KAT14: variants seen among roughly 807,000 people sequenced by gnomAD.
KAT14 encodes the protein cysteine-rich protein 2-binding protein.
A neutral mutation model predicts 78.4 loss-of-function variants in KAT14; 66 were observed. The observed-to-expected ratio is 0.84, with a 90% confidence interval of 0.69 to 1.03. The LOEUF is 1.03. KAT14 is among the 50% of genes least tolerant of loss of function. The pLI is 0.00. For synonymous variants in KAT14, 344 were observed against 359.4 expected (o/e 0.96, Z 0.48); for missense variants, 870 against 972.5 (o/e 0.89, Z 1.40).
At chr20:18,148,904 C>T (rs2037934174) in intron 3 of KAT14, among the ~76,000 whole-genome samples, 1 of 152,146 alleles carries the variant, frequency 6.6e-6, no homozygotes, top group South Asian at 2.1e-4. Flanking sequence ...GCCACCATGC[C>T]CGGCCTGGGA....
intron 3 of KAT14, among the ~76,000 whole-genome samples, chr20:18,145,824 T>A (rs1168795600): frequency 6.6e-6 from 1 of 152,172 alleles, no homozygotes; most frequent in Non-Finnish European, 1.5e-5. Context: ...TGAATTGGGC[T>A]TGAGAGGCTT....
chr20:18,183,302 T>A lies in KAT14; in HGVS notation c.1981+4T>A. 1 of 1,611,582 alleles carries A rather than the reference T, an allele frequency of 6.2e-7. No homozygotes were observed. The highest frequency in any genetic ancestry group is 8.5e-7 in the Non-Finnish European group (1 of 1,178,218). ...TGTCAGGAGTTTTTTTGGCCTGGTA[T>A]GTTCCCCCTCCCAAACCAGGCAGGT... On this transcript the variant is annotated splice_donor_region_variant and intron_variant, in intron 9 of 10. Transcript: ENST00000688188.
Position 18,162,128 on chromosome 20 carries a change from T to C in KAT14, c.988T>C (p.Ser330Pro). 6.2e-7 allele frequency: 1 copy of C among 1,614,132 alleles called. No homozygotes were observed. Among genetic ancestry groups the C allele is most frequent in the Non-Finnish European group, 8.5e-7 (1 of 1,179,974 alleles). Residue 330 changes from serine to proline, a missense_variant, in exon 6 of 11, where the codon TCT (serine) becomes CCT (proline). Physicochemically the swap from Ser to Pro is moderately conservative, Grantham distance 74. Transcript: ENST00000688188. ...GCTGACAAGCCCATCTCCTTCTCCT[T>C]CTCTGGATTTCTCTGCCCCTGGTAC... ...TPLTSPSPSPSLDFSAPGTPA... is the reference protein window; with the variant it reads ...TPLTSPSPSPPLDFSAPGTPA...
chr20:18,139,712 G>A (rs1413725543), intron 1 of KAT14, among the ~76,000 whole-genome samples: 1 of 150,882 alleles, frequency 6.6e-6, no homozygotes, highest in African/African-American at 2.4e-5. Context: ...TCTTCATTAG[G>A]GGCTTACATT....
At chr20:18,165,071 A>G (rs375128935) in intron 7 of KAT14, among the ~76,000 whole-genome samples, 1 of 152,328 alleles carries the variant, frequency 6.6e-6, no homozygotes, top group African/African-American at 2.4e-5. Flanking sequence ...ATGCCCATGT[A>G]TTCATCTCCT....
chr20:18,167,036 C>G (rs2038665921), intron 7 of KAT14, among the ~76,000 whole-genome samples: 1 of 152,176 alleles, frequency 6.6e-6, no homozygotes, highest in Non-Finnish European at 1.5e-5. Context: ...ACTCACACCT[C>G]AGCCCTCCAG....
Position 18,150,894 on chromosome 20 carries a change from A to G in KAT14, c.452A>G (p.Asp151Gly), listed in dbSNP as rs971872139. 3 of 1,614,232 alleles carry G rather than the reference A, an allele frequency of 1.9e-6. No homozygotes were observed. The highest frequency in any genetic ancestry group is 1.6e-4 in the Middle Eastern group (1 of 6,062). Residue 151 changes from aspartate to glycine, a missense_variant, in exon 4 of 11, where the codon GAT becomes GGT. Asp to Gly is a moderately conservative substitution (Grantham distance 94). Coordinates refer to ENST00000688188, the MANE Select transcript of KAT14 (RefSeq NM_001392073.1). Reference sequence around the variant, plus strand: ...CAAGGTTATTTCAGGTGGAAAGAAGATATCTGTGCTTTTATTGAGAAACAT... The same window carrying G: ...CAAGGTTATTTCAGGTGGAAAGAAGGTATCTGTGCTTTTATTGAGAAACAT... ...GRQGYFRWKE[D>G]ICAFIEKHWT...
intron 4 of KAT14, among the ~76,000 whole-genome samples, chr20:18,152,594 A>C (rs527342568): frequency 1.8e-4 from 28 of 152,252 alleles, no homozygotes; most frequent in African/African-American, 5.5e-4. Context: ...CAAACAACCA[A>C]CCAAAAAAAG....
At chr20:18,181,305 A>G (rs1312060110) in intron 7 of KAT14, among the ~76,000 whole-genome samples, 1 of 152,056 alleles carries the variant, frequency 6.6e-6, no homozygotes, top group Non-Finnish European at 1.5e-5. Flanking sequence ...TTTATGACAC[A>G]TAAAAATATG....
At chr20:18,143,235 C>T in intron 2 of KAT14, 1 of 970,084 alleles carries the variant, frequency 1.0e-6, no homozygotes, top group Non-Finnish European at 1.3e-6. Flanking sequence ...GGGCCAAATT[C>T]CAGTCCCAGT....
At chr20:18,138,283 G>A (rs2037377567) in intron 1 of KAT14, 2 of 1,212,468 alleles carry the variant, frequency 1.6e-6, no homozygotes, top group Admixed American at 4.5e-5. Flanking sequence ...CGACCCGGCT[G>A]CCCGGCTTAG....
chr20:18,176,560 G>C (rs1460114360), intron 7 of KAT14, among the ~76,000 whole-genome samples: 1 of 151,958 alleles, frequency 6.6e-6, no homozygotes, highest in Non-Finnish European at 1.5e-5. Context: ...CTCTGAGGAG[G>C]CAGCACTTGA....
chr20:18,183,368 G>A, intron 9 of KAT14, 70 bp downstream of exon 9: 2 of 1,475,844 alleles, frequency 1.4e-6, no homozygotes, highest in Middle Eastern at 1.9e-4. Context: ...TTTAAAATTA[G>A]TTTATGTGAT....
At chr20:18,145,525 A>G (rs2037793580) in intron 3 of KAT14, among the ~76,000 whole-genome samples, 174 bp downstream of exon 3, 1 of 152,238 alleles carries the variant, frequency 6.6e-6, no homozygotes, top group South Asian at 2.1e-4. Context: ...TACTCGCTGT[A>G]ATCCCAGCAC....
chr20:18,166,423 G>C (rs1389490686), intron 7 of KAT14, among the ~76,000 whole-genome samples: 1 of 152,226 alleles, frequency 6.6e-6, no homozygotes, highest in Non-Finnish European at 1.5e-5. Context: ...TAGACTGTGG[G>C]CTGGAACGTG....
chr20:18,183,636 T>C (rs1224896326), intron 9 of KAT14: 1 of 654,656 alleles, frequency 1.5e-6, no homozygotes, highest in African/African-American at 2.0e-5. Flanking sequence ...TGGACACTTT[T>C]GTTTTTGGCT....
rs749684630 is a variant in KAT14 at position 18,142,526 on chromosome 20, C to T, written c.-135C>T. ...TTACTGCTTTCAGGGTCCCTTATAT[C>T]TGAATAAAGGAGTGTGGGCAGACAC... On this transcript the variant is annotated 5_prime_UTR_variant, in exon 2 of 11. Coordinates refer to ENST00000688188, the MANE Select transcript of KAT14 (RefSeq NM_001392073.1). 4.3e-5 allele frequency: 63 copies of T among 1,477,702 alleles called. No homozygotes were observed. Among genetic ancestry groups the T allele is most frequent in the Non-Finnish European group, 5.6e-5 (62 of 1,114,970 alleles). 91.5% of individuals were successfully genotyped at this position (1,477,702 alleles called of 1,614,324 possible).
At position 18,145,233 on chromosome 20, in the gene KAT14, G is replaced by A. The variant is rs2037782546; in HGVS notation, c.260G>A (p.Ser87Asn). 6.2e-7 allele frequency: 1 copy of A among 1,613,692 alleles called. No homozygotes were observed. The highest frequency in any genetic ancestry group is 8.5e-7 in the Non-Finnish European group (1 of 1,179,880). The change falls in exon 3 of 11, where the codon AGT becomes AAT. Residue 87 changes from serine (S) to asparagine (N), a missense_variant and splice_region_variant. Physicochemically the swap from Ser to Asn is conservative, Grantham distance 46 (BLOSUM62 1). Coordinates refer to ENST00000688188, the MANE Select transcript of KAT14 (RefSeq NM_001392073.1). ...ATGTGACTTTTTGTTTTTCTCCTAG[G>A]TCAGCTGAGGGAACAGCTCAGTTAC... The part of the protein sequence containing the change: ...CDKCQKWIPA[S>N]QLREQLSYLK...
In KAT14 at chr20:18,187,315, C is replaced by A. The variant is rs140214470; in HGVS notation, c.2202C>A (p.His734Gln). ...QTCMGKDVTL[H>Q]VSASNPAMLL... ...GCATGGGCAAGGACGTAACCCTTCA[C>A]GTCTCAGCAAGCAACCCCGCTATGC... The change falls in exon 11 of 11, where the codon CAC becomes CAA. Residue 734 changes from histidine (H) to glutamine (Q), a missense_variant. Transcript: ENST00000688188. The A allele has an allele frequency of 6.2e-7, 1 of 1,613,146 alleles. No individual in the cohort carries two copies. The highest frequency in any genetic ancestry group is 2.2e-5 in the East Asian group (1 of 44,828).
Sources: gnomAD v4.1 joint callset for allele counts (sites outside exome capture counted in the v4.1 genomes callset) on GRCh38, gnomAD v4.1.1 for gene constraint, MANE v1.5 for transcripts, NCBI Gene and HGNC (gene_info 2026-07-23, HGNC 2026-07-21) for gene names.